The following RFC1 variants were observed in gnomAD, a reference collection of about 807,000 sequenced individuals.
The protein encoded by RFC1 is A1 140 kDa subunit.
A neutral mutation model predicts 137.4 loss-of-function variants in RFC1; 37 were observed. The observed-to-expected ratio is 0.27, with a 90% CI of 0.21 to 0.35. The LOEUF (loss-of-function observed/expected upper bound fraction) is 0.35. Among genes scored for constraint, RFC1 ranks in the 10% least tolerant of loss-of-function variants. The probability of loss-of-function intolerance (pLI) is 1.00; values close to 1 mark genes in which losing one functional copy is unlikely to be tolerated. For missense variants in RFC1, 1,205 were observed against 1,358.5 expected, an observed-to-expected ratio of 0.89 and a Z score of 1.78; for synonymous variants, 429 against 455.7, an observed-to-expected ratio of 0.94 and a Z score of 0.75.
At chr4:39,364,057 G>A (rs1741895851) in intron 1 of RFC1, among the ~76,000 whole-genome samples, 1 of 146,966 alleles carries the variant, frequency 6.8e-6, no homozygotes. Flanking sequence ...TCCAGCCTGG[G>A]CAACAGAGCA....
At chr4:39,317,946 G>C (rs1409224295) in intron 9 of RFC1, 4 of 152,256 alleles carry the variant, frequency 2.6e-5, no homozygotes, top group Non-Finnish European at 5.9e-5. Flanking sequence ...CACGAGGTCA[G>C]GAGATCGAGA....
At chr4:39,302,026 T>C (rs201982803) in intron 19 of RFC1, among the ~76,000 whole-genome samples, 2 of 152,354 alleles carry the variant, frequency 1.3e-5, no homozygotes, top group East Asian at 3.9e-4. Flanking sequence ...AAAGCCATTT[T>C]ATAATTGTTG....
intron 9 of RFC1, 36 bp from the exon 10 acceptor site, chr4:39,317,058 T>C (rs1216330171): frequency 2.9e-6 from 4 of 1,360,522 alleles, no homozygotes; most frequent in African/African-American, 2.9e-5. Context: ...AACAAAGTCA[T>C]ACAGAATTCA....
intron 10 of RFC1, 53 bp from the exon 11 acceptor site, chr4:39,312,984 G>T (rs1739045922): frequency 9.1e-6 from 13 of 1,432,480 alleles, no homozygotes; most frequent in Non-Finnish European, 1.2e-5. Flanking sequence ...GCTTTCCAAA[G>T]AAACATTTGG....
In RFC1 at chr4:39,314,768, A is replaced by C. The variant is rs186348456; in HGVS notation, c.1204-1837T>G. On this transcript the variant is annotated intron_variant, in intron 10 of 24. Transcript: ENST00000349703. ...TTTATTAGGGGAGCTATTAATCTCTATATGTACTTATATATACCAAGCAAA... is the reference window on the plus strand; with the variant it reads ...TTTATTAGGGGAGCTATTAATCTCTCTATGTACTTATATATACCAAGCAAA... Among the ~76,000 whole-genome samples, 268 of 152,142 alleles carry C rather than the reference A, an allele frequency of 1.8e-3. 2 individuals carry two copies. The highest frequency in any genetic ancestry group is 6.0e-3 in the African/African-American group (251 of 41,490).
chr4:39,305,703 C>T (rs1229994089), intron 14 of RFC1, among the ~76,000 whole-genome samples: 1 of 152,172 alleles, frequency 6.6e-6, no homozygotes, highest in Non-Finnish European at 1.5e-5. Context: ...TCCCAATAAA[C>T]TATTTTCCTC....
At chr4:39,339,918 C>T (rs957429940) in intron 4 of RFC1, among the ~76,000 whole-genome samples, 2 of 152,018 alleles carry the variant, frequency 1.3e-5, no homozygotes, top group Non-Finnish European at 2.9e-5. Flanking sequence ...AGTAACTAAA[C>T]AAATACAAAA....
intron 4 of RFC1, among the ~76,000 whole-genome samples, chr4:39,338,845 T>C (rs1370866127): frequency 6.6e-6 from 1 of 152,202 alleles, no homozygotes; most frequent in Non-Finnish European, 1.5e-5. Flanking sequence ...CCTCATGTTA[T>C]ACATTAGATC....
rs770817146 is a variant in RFC1, at chr4:39,291,761, C to T, written c.3046G>A (p.Gly1016Arg). 3.3e-5 allele frequency: 53 copies of T among 1,613,524 alleles called. No homozygotes were observed. The highest frequency in any genetic ancestry group is 4.1e-5 in the Non-Finnish European group (48 of 1,179,486). The part of the protein sequence containing the change: ...VQPLTSQGVD[G>R]VQDVVALMDT... Reference sequence around the variant, plus strand: ...ATAAGTGCAACAACATCCTGTACTCCGTCTACTCCTTGTGAGGTCAAGGGC... The same window carrying T: ...ATAAGTGCAACAACATCCTGTACTCTGTCTACTCCTTGTGAGGTCAAGGGC... The change falls in exon 23 of 25, where the codon GGA becomes AGA. Residue 1016 changes from glycine (G) to arginine (R), a missense_variant. Transcript: ENST00000349703.
chr4:39,338,310 A>C (rs1438421865), intron 4 of RFC1, among the ~76,000 whole-genome samples: 1 of 152,218 alleles, frequency 6.6e-6, no homozygotes, highest in African/African-American at 2.4e-5. Context: ...AAGCCTAAAA[A>C]TCTGTATAAC....
chr4:39,302,442 G>T, intron 18 of RFC1, 58 bp downstream of exon 18: 1 of 1,507,634 alleles, frequency 6.6e-7, no homozygotes, highest in Non-Finnish European at 9.2e-7. Flanking sequence ...TCCCTACAAG[G>T]TTGAAAGCAT....
chr4:39,341,253 T>C (rs1740591610), intron 4 of RFC1, among the ~76,000 whole-genome samples: 2 of 152,200 alleles, frequency 1.3e-5, no homozygotes, highest in Admixed American at 6.5e-5. Context: ...TTCAGTTACA[T>C]AATAAACCTA....
Position 39,364,514 on chromosome 4 carries a change from A to G in RFC1, c.3+1725T>C, listed in dbSNP as rs79199653. Reference sequence around the variant, plus strand: ...ATTTTTTATCTGCACCATGAACAGGAGTACTAAAGAAAGAAAAGAACCAAA... The same window carrying G: ...ATTTTTTATCTGCACCATGAACAGGGGTACTAAAGAAAGAAAAGAACCAAA... On this transcript the variant is annotated intron_variant, in intron 1 of 24. Coordinates refer to ENST00000349703, the MANE Select transcript of RFC1 (RefSeq NM_002913.5). Among the ~76,000 whole-genome samples the G allele has an allele frequency of 4.3e-3, 648 of 152,352 alleles. 6 individuals are homozygous for G. Among genetic ancestry groups the G allele is most frequent in the Non-Finnish European group, 7.5e-3 (513 of 68,036 alleles).
intron 10 of RFC1, 47 bp downstream of exon 10, chr4:39,316,868 T>C (rs376837592): frequency 3.7e-5 from 43 of 1,147,302 alleles, no homozygotes; most frequent in South Asian, 3.5e-4. Context: ...CATGGACCCA[T>C]ACGGCAGAGG....
chr4:39,361,373 C>T (rs1264102122), intron 1 of RFC1, among the ~76,000 whole-genome samples: 1 of 152,000 alleles, frequency 6.6e-6, no homozygotes, highest in African/African-American at 2.4e-5. Flanking sequence ...TGGGTAACAG[C>T]GCGACTGCGT....
chr4:39,296,250 C>CT lies in RFC1; in HGVS notation c.2809-492dup, dbSNP rs10717106. On this transcript the variant is annotated intron_variant, in intron 21 of 24. Transcript: ENST00000349703. ...GGGTTTTCACTTTCTTTTTTTTTTT[C>CT]TTTTTTTTTTTTTTATTATACTTTA... 2.8e-3 allele frequency among the ~76,000 whole-genome samples: 369 copies of CT among 132,764 alleles called. 1 individual carries two copies. Among genetic ancestry groups the CT allele is most frequent in the African/African-American group, 8.7e-3 (305 of 35,226 alleles). 87.1% of individuals were successfully genotyped at this position (132,764 alleles called of 152,430 possible). A position where few individuals can be genotyped will look rare whatever the true frequency, so the allele number is the denominator to read the frequency against.
intron 3 of RFC1, among the ~76,000 whole-genome samples, chr4:39,342,788 T>C (rs185667790): frequency 6.6e-6 from 1 of 152,250 alleles, no homozygotes; most frequent in South Asian, 2.1e-4. Flanking sequence ...TGTTCCTTTC[T>C]GAATACTCTA....
rs2109794269 is a variant in RFC1, at chr4:39,366,351, G to A, written c.-110C>T. 2 of 1,305,788 alleles carry A rather than the reference G, an allele frequency of 1.5e-6. No homozygotes were observed. Among genetic ancestry groups the A allele is most frequent in the Non-Finnish European group, 2.0e-6 (2 of 989,698 alleles). The allele number at this position is 1,305,788 out of a possible 1,614,324, so 80.9% of individuals were successfully genotyped here. On this transcript the variant is annotated 5_prime_UTR_variant, in exon 1 of 25. Coordinates refer to ENST00000349703, the MANE Select transcript of RFC1 (RefSeq NM_002913.5). Reference sequence around the variant, plus strand: ...CAACAACTTCTCCCGCGAAGTGCAAGAAGGCGAAGACAGTGGCGCGCGGTG... The same window carrying A: ...CAACAACTTCTCCCGCGAAGTGCAAAAAGGCGAAGACAGTGGCGCGCGGTG...
In RFC1 at chr4:39,311,471, T is replaced by C; in HGVS notation, c.1462A>G (p.Lys488Glu). 2 of 1,614,010 alleles carry C rather than the reference T, an allele frequency of 1.2e-6. No individual in the cohort carries two copies. The highest frequency in any genetic ancestry group is 1.7e-6 in the Non-Finnish European group (2 of 1,179,912). ...TCAGTTTCAACTGCTATTTCATACT[T>C]GGATTTCTTGCCTGGCATAGTCCGA... ...LIRTMPGKKS[K>E]YEIAVETEMK... Residue 488 changes from lysine (K) to glutamate (E), a missense_variant, in exon 12 of 25, where the codon AAG becomes GAG. Physicochemically the swap from Lys to Glu is moderately conservative, Grantham distance 56. This residue lies in a region of RFC1 where 962 missense variants were observed against 1,035.3 expected (regional missense o/e 0.93). Coordinates refer to ENST00000349703, the MANE Select transcript of RFC1 (RefSeq NM_002913.5).
Sources: allele counts gnomAD v4.1 joint callset (sites outside exome capture counted in the v4.1 genomes callset), GRCh38; gene constraint gnomAD v4.1.1; regional missense constraint gnomAD v4.1.1; transcripts MANE v1.5; gene names NCBI Gene and HGNC (gene_info 2026-07-23, HGNC 2026-07-21).